IPMK: variants seen among roughly 807,000 people sequenced by gnomAD.
IPMK encodes inositol polyphosphate multikinase.
Under a neutral mutation model 45.8 loss-of-function variants are expected in IPMK, and 17 were observed. The observed-to-expected ratio is 0.37, with a 90% CI of 0.25 to 0.56. IPMK has a LOEUF of 0.56. Ranked by LOEUF, IPMK falls within the 20% of genes least tolerant of loss-of-function variation. The probability of loss-of-function intolerance (pLI) is 0.79; values close to 1 mark genes in which losing one functional copy is unlikely to be tolerated. For synonymous variants in IPMK, 180 were observed against 184.3 expected, an observed-to-expected ratio of 0.98 and a Z score of 0.19; for missense variants, 399 against 498.0, an observed-to-expected ratio of 0.80 and a Z score of 1.89.
chr10:58,237,438 C>G (rs1417236774), intron 2 of IPMK, among the ~76,000 whole-genome samples: 1 of 152,152 alleles, frequency 6.6e-6, no homozygotes, highest in Non-Finnish European at 1.5e-5. Context: ...CAGAGCATAC[C>G]ATTTGTTTCT....
intron 2 of IPMK, among the ~76,000 whole-genome samples, chr10:58,234,000 A>G (rs1172654387): frequency 6.6e-6 from 1 of 152,204 alleles, no homozygotes; most frequent in Admixed American, 6.5e-5. Context: ...CAAAAATCAC[A>G]AGCATTCCTA....
intron 4 of IPMK, among the ~76,000 whole-genome samples, chr10:58,211,840 G>A (rs1478073698): frequency 2.9e-5 from 4 of 138,048 alleles, no homozygotes; most frequent in Non-Finnish European, 4.6e-5. Context: ...CGGAACCCAG[G>A]GGTTGAGGCT....
intron 2 of IPMK, among the ~76,000 whole-genome samples, chr10:58,229,742 C>T (rs1838481823): frequency 6.6e-6 from 1 of 151,944 alleles, no homozygotes; most frequent in African/African-American, 2.4e-5. Flanking sequence ...CCAAGATGGT[C>T]GAATAGGAAC....
chr10:58,209,353 A>G (rs1838122458), intron 4 of IPMK, among the ~76,000 whole-genome samples: 1 of 152,152 alleles, frequency 6.6e-6, no homozygotes, highest in Admixed American at 6.5e-5. Context: ...TAGCACTGCA[A>G]TTGTGTCTCT....
chr10:58,214,071 T>TA (rs1237073759), intron 4 of IPMK, among the ~76,000 whole-genome samples: 1 of 152,184 alleles, frequency 6.6e-6, no homozygotes, highest in Non-Finnish European at 1.5e-5. Flanking sequence ...TTTTGTTTTT[T>TA]AAAAAACTTG....
intron 4 of IPMK, among the ~76,000 whole-genome samples, chr10:58,203,089 T>C (rs1456658754): frequency 1.3e-5 from 2 of 152,114 alleles, no homozygotes; most frequent in African/African-American, 4.8e-5. Context: ...TTGAGATTCA[T>C]GGGAGGAGGT....
At chr10:58,257,358 G>A (rs150739471) in intron 1 of IPMK, among the ~76,000 whole-genome samples, 1 of 152,044 alleles carries the variant, frequency 6.6e-6, no homozygotes, top group Non-Finnish European at 1.5e-5. Context: ...AGCTGGGCAT[G>A]GTGGCATGTG....
At chr10:58,240,413 TAATACCA>T (rs1350970054) in intron 1 of IPMK, among the ~76,000 whole-genome samples, 3 of 150,968 alleles carry the variant, frequency 2.0e-5, no homozygotes, top group African/African-American at 7.3e-5. Flanking sequence ...ACCCATAAGG[TAATACCA>T]AGAGTTTTTA....
chr10:58,232,565 T>A lies in IPMK; in HGVS notation c.276+5164A>T, dbSNP rs189863113. Among the ~76,000 whole-genome samples the A allele has an allele frequency of 2.0e-4, 31 of 152,308 alleles. No homozygotes were observed. The East Asian group carries it at 5.8e-3, about 28-fold the overall frequency. On this transcript the variant is annotated intron_variant, in intron 2 of 5. Coordinates refer to ENST00000373935, the MANE Select transcript of IPMK (RefSeq NM_152230.5). ...ACAACTACATGGAAACTGAACAACT[T>A]GCTCCTGAATGACAACTGGGTACAT...
At position 58,258,838 on chromosome 10, in the gene IPMK, A is replaced by G. The variant is rs571728582; in HGVS notation, c.190+8584T>C. 2.6e-5 allele frequency among the ~76,000 whole-genome samples: 4 copies of G among 152,324 alleles called. No homozygotes were observed. The East Asian group carries it at 7.7e-4, about 29-fold the overall frequency. On this transcript the variant is annotated intron_variant, in intron 1 of 5. Coordinates refer to ENST00000373935, the MANE Select transcript of IPMK (RefSeq NM_152230.5). ...ATTAATTCCAAATAAATAGAAAGAT[A>G]GGAATGAAAAATCAAAGAAATAAGA...
At chr10:58,250,672 G>A (rs974666757) in intron 1 of IPMK, among the ~76,000 whole-genome samples, 1 of 152,056 alleles carries the variant, frequency 6.6e-6, no homozygotes, top group African/African-American at 2.4e-5. Context: ...TAGACTAATT[G>A]CTCTGACTAG....
intron 4 of IPMK, among the ~76,000 whole-genome samples, chr10:58,211,188 C>T (rs78063051): frequency 0.056 from 7,383 of 132,136 alleles, 437 homozygotes; most frequent in East Asian, 0.31. Context: ...AGTGATTACC[C>T]GGTTTTTTTT....
At chr10:58,254,095 AT>A (rs1251388558) in intron 1 of IPMK, among the ~76,000 whole-genome samples, 4 of 151,986 alleles carry the variant, frequency 2.6e-5, no homozygotes, top group African/African-American at 9.7e-5. Flanking sequence ...GATTTTGGAA[AT>A]TTTCAGCCAT....
intron 2 of IPMK, among the ~76,000 whole-genome samples, chr10:58,232,705 A>C (rs965040387): frequency 9.9e-5 from 15 of 152,162 alleles, no homozygotes; most frequent in African/African-American, 3.1e-4. Context: ...ATTTATAGCA[A>C]TAAATGCCCA....
intron 4 of IPMK, among the ~76,000 whole-genome samples, chr10:58,209,109 C>A (rs901094282): frequency 2.0e-5 from 3 of 152,198 alleles, no homozygotes; most frequent in African/African-American, 7.2e-5. Flanking sequence ...TGTGACTCTG[C>A]CTCTTGTGCA....
chr10:58,207,328 A>T (rs1698392), intron 4 of IPMK, among the ~76,000 whole-genome samples: 1 of 152,100 alleles, frequency 6.6e-6, no homozygotes, highest in Non-Finnish European at 1.5e-5. Flanking sequence ...GCATTTAGAC[A>T]GGTTCCATAT....
At chr10:58,247,184 G>A (rs1838814291) in intron 1 of IPMK, among the ~76,000 whole-genome samples, 2 of 147,558 alleles carry the variant, frequency 1.4e-5, no homozygotes, top group South Asian at 4.2e-4. Flanking sequence ...TGGAGAAATA[G>A]GAACACTTTT....
Position 58,217,454 on chromosome 10 carries a change from C to T in IPMK, c.374-1137G>A, listed in dbSNP as rs58597592. On this transcript the variant is annotated intron_variant, in intron 3 of 5. Coordinates refer to ENST00000373935, the MANE Select transcript of IPMK (RefSeq NM_152230.5). ...CTGTAATCCCAGCACTTTGGGAGGC[C>T]GAGGCAGGTGGATCACCTGAGGGCG... Among the ~76,000 whole-genome samples the T allele has an allele frequency of 8.9e-4, 135 of 151,166 alleles. 2 individuals are homozygous for T. The highest frequency in any genetic ancestry group is 3.1e-3 in the African/African-American group (128 of 41,186).
At chr10:58,250,313 A>G (rs1838863237) in intron 1 of IPMK, among the ~76,000 whole-genome samples, 2 of 152,138 alleles carry the variant, frequency 1.3e-5, no homozygotes, top group South Asian at 4.1e-4. Flanking sequence ...ATCCATGAAC[A>G]TATCTTTTCA....
Sources: gnomAD v4.1 joint callset for allele counts (sites outside exome capture counted in the v4.1 genomes callset) on GRCh38, gnomAD v4.1.1 for gene constraint, MANE v1.5 for transcripts, NCBI Gene and HGNC (gene_info 2026-07-23, HGNC 2026-07-21) for gene names.